The following LRRIQ4 variants were observed in gnomAD, a reference collection of about 807,000 sequenced individuals.
LRRIQ4 encodes leucine rich repeats and IQ motif containing 4.
In LRRIQ4, 21 loss-of-function variants were observed where a neutral mutation model predicts 40.1. The ratio of observed to expected loss-of-function variants is 0.52; its 90% CI spans 0.37 to 0.75. The LOEUF (loss-of-function observed/expected upper bound fraction) is 0.75. Ranked by LOEUF, LRRIQ4 falls within the 30% of genes least tolerant of loss-of-function variation. The pLI is 0.00. For synonymous variants in LRRIQ4, 277 were observed against 277.1 expected (o/e 1.00, Z 0.00); for missense variants, 655 against 660.0 (o/e 0.99, Z 0.08).
At chr3:169,820,976 T>G (rs1779874172) in intron 1 of LRRIQ4, among the ~76,000 whole-genome samples, 1 of 152,252 alleles carries the variant, frequency 6.6e-6, no homozygotes, top group Non-Finnish European at 1.5e-5. Flanking sequence ...CACACATGAC[T>G]GTTAAAAGTT....
In LRRIQ4 at chr3:169,822,366, C is replaced by T; in HGVS notation, c.445C>T (p.Leu149=). ...CCTCCACCATCTCGAGCTGCTCGGA[C>T]TGACCGGAAACCACCTGAAATGTCT... ...KNLHHLELLG[L]TGNHLKCLPK... The change falls in exon 2 of 6, where the codon CTG becomes TTG. Residue 149 remains leucine, a synonymous_variant. Coordinates refer to ENST00000340806, the MANE Select transcript of LRRIQ4 (RefSeq NM_001080460.3). 1 of 1,613,078 alleles carries T rather than the reference C, an allele frequency of 6.2e-7. No homozygotes were observed. The highest frequency in any genetic ancestry group is 2.2e-5 in the East Asian group (1 of 44,892).
chr3:169,814,638 A>C (rs1485110955), intron 1 of LRRIQ4, among the ~76,000 whole-genome samples: 1 of 151,862 alleles, frequency 6.6e-6, no homozygotes, highest in African/African-American at 2.4e-5. Context: ...GGCGCCCCCC[A>C]CTACGCCCAG....
chr3:169,831,486 T>G (rs867366747), intron 4 of LRRIQ4, among the ~76,000 whole-genome samples: 1 of 111,952 alleles, frequency 8.9e-6, no homozygotes, highest in Non-Finnish European at 1.8e-5. Flanking sequence ...TTTTTTTTAG[T>G]AGAGACGGGG....
In LRRIQ4 at chr3:169,830,606, C is replaced by T. The variant is rs1167329452; in HGVS notation, c.1309C>T (p.Pro437Ser). Residue 437 changes from proline to serine, a missense_variant, in exon 4 of 6, where the codon CCA (proline) becomes TCA (serine). By Grantham distance (74) the Pro-to-Ser change is moderately conservative. Coordinates refer to ENST00000340806, the MANE Select transcript of LRRIQ4 (RefSeq NM_001080460.3). ...CCGGCACAATTTGCTTAAGCAACTT[C>T]CAGATGCCATTTGCCAAGCACAAGG... Reference protein sequence around the residue: ...DCRHNLLKQLPDAICQAQALK... With the variant: ...DCRHNLLKQLSDAICQAQALK... The T allele has an allele frequency of 6.2e-7, 1 of 1,613,770 alleles. No individual in the cohort carries two copies. The highest frequency in any genetic ancestry group is 1.3e-5 in the African/African-American group (1 of 74,904).
rs997301990 is a variant in LRRIQ4 at position 169,826,237 on chromosome 3, C to G, written c.1021-2522C>G. Among the ~76,000 whole-genome samples the G allele has an allele frequency of 2.6e-5, 4 of 151,798 alleles. No homozygotes were observed. In the South Asian group the frequency reaches 8.3e-4, roughly 32 times the overall value. On this transcript the variant is annotated intron_variant, in intron 2 of 5. Coordinates refer to ENST00000340806, the MANE Select transcript of LRRIQ4 (RefSeq NM_001080460.3). ...CGAAACCCCATCTCTACTAAAAATA[C>G]AAAAATTAGCCGGGCATGGTAGTGG...
At chr3:169,825,833 T>C (rs901668313) in intron 2 of LRRIQ4, among the ~76,000 whole-genome samples, 1 of 152,110 alleles carries the variant, frequency 6.6e-6, no homozygotes, top group Non-Finnish European at 1.5e-5. Flanking sequence ...TCAGTTATTC[T>C]GATGGGTTTT....
Position 169,822,147 on chromosome 3 carries a change from C to T in LRRIQ4, c.226C>T (p.Leu76Phe), listed in dbSNP as rs201456133. The stretch of plus-strand genomic sequence containing the variant: ...TCAGCGTTTAAAGAACATCAGGGTC[C>T]TCTACCTGGATAAGAACAACCTGAG... Reference protein sequence around the residue: ...EIQRLKNIRVLYLDKNNLRSL... With the variant: ...EIQRLKNIRVFYLDKNNLRSL... Residue 76 changes from leucine to phenylalanine, a missense_variant, in exon 2 of 6, where the codon CTC becomes TTC. Transcript: ENST00000340806. 2.9e-5 allele frequency: 46 copies of T among 1,612,910 alleles called. No homozygotes were observed. The African/African-American group carries it at 5.1e-4, about 18-fold the overall frequency.
rs117824694 is a variant in LRRIQ4, at chr3:169,814,128, A to C, written c.-32+1082A>C. 3.3e-5 allele frequency among the ~76,000 whole-genome samples: 5 copies of C among 152,272 alleles called. No individual in the cohort carries two copies. The East Asian group carries it at 9.6e-4, about 29-fold the overall frequency. On this transcript the variant is annotated intron_variant, in intron 1 of 5. Coordinates refer to ENST00000340806, the MANE Select transcript of LRRIQ4 (RefSeq NM_001080460.3). ...TGGGGTTCTGGCCTTGGTGTACCGGAAAAATCGGATCACACAGTGGGCTTG... is the reference window on the plus strand; with the variant it reads ...TGGGGTTCTGGCCTTGGTGTACCGGCAAAATCGGATCACACAGTGGGCTTG...
chr3:169,823,581 T>C (rs187911743), intron 2 of LRRIQ4, among the ~76,000 whole-genome samples: 2,384 of 152,180 alleles, frequency 0.016, 66 homozygotes, highest in African/African-American at 0.055. Flanking sequence ...CTCCTGACCT[T>C]GTGTTCCGCC....
At chr3:169,814,364 G>C (rs1203929250) in intron 1 of LRRIQ4, among the ~76,000 whole-genome samples, 1 of 152,150 alleles carries the variant, frequency 6.6e-6, no homozygotes, top group East Asian at 1.9e-4. Flanking sequence ...GGTGCCTGTC[G>C]GTGTGCTCTT....
chr3:169,836,845 C>T lies in LRRIQ4; in HGVS notation c.1531-634C>T, dbSNP rs541406084. Among the ~76,000 whole-genome samples, 14 of 152,218 alleles carry T rather than the reference C, an allele frequency of 9.2e-5. No individual in the cohort carries two copies. In the East Asian group the frequency reaches 1.7e-3, roughly 19 times the overall value. ...AGGGAGGAGGCCCGCATGGCTGGAG[C>T]AGAGTGAGCCAGGGAAAAGGGAGTT... On this transcript the variant is annotated intron_variant, in intron 5 of 5. Transcript: ENST00000340806.
chr3:169,833,801 C>T (rs1780240652), intron 5 of LRRIQ4, among the ~76,000 whole-genome samples: 1 of 152,186 alleles, frequency 6.6e-6, no homozygotes, highest in Non-Finnish European at 1.5e-5. Flanking sequence ...TTCTGCTCAG[C>T]AGTTGCACTG....
intron 4 of LRRIQ4, among the ~76,000 whole-genome samples, chr3:169,831,771 C>T (rs953037981): frequency 2.0e-5 from 3 of 150,952 alleles, no homozygotes; most frequent in African/African-American, 7.3e-5. Flanking sequence ...GAGTTCAAAC[C>T]AGCCTGGCCA....
At position 169,833,151 on chromosome 3, in the gene LRRIQ4, G is replaced by T; in HGVS notation, c.1498G>T (p.Glu500Ter). 1 of 1,613,352 alleles carries T rather than the reference G, an allele frequency of 6.2e-7. No homozygotes were observed. The highest frequency in any genetic ancestry group is 8.5e-7 in the Non-Finnish European group (1 of 1,179,730). ...TGAGGCCATATGGAAATACCTCAAG[G>T]AAAACAGAAACAGGAATATAATGGC... is the stretch of plus-strand genomic sequence containing the variant. ...GNEAIWKYLKENRNRNIMATK... is the reference protein window; with the variant it reads ...GNEAIWKYLK Residue 500 changes from glutamate to a stop codon, truncating the protein, a stop_gained, in exon 5 of 6, where the codon GAA becomes TAA. Transcript: ENST00000340806. LOFTEE classifies it low-confidence loss of function (END_TRUNC).
chr3:169,835,733 G>A (rs1267098712), intron 5 of LRRIQ4, among the ~76,000 whole-genome samples: 1 of 152,110 alleles, frequency 6.6e-6, no homozygotes, highest in Non-Finnish European at 1.5e-5. Context: ...CGATTGGTCT[G>A]CTGTTTTCAC....
chr3:169,812,905 G>T lies in LRRIQ4; in HGVS notation c.-173G>T, dbSNP rs868538106. 19 of 225,964 alleles carry T rather than the reference G, an allele frequency of 8.4e-5. No individual in the cohort carries two copies. The highest frequency in any genetic ancestry group is 1.4e-4 in the Non-Finnish European group (16 of 116,264). The allele number at this position is 225,964 out of a possible 1,614,324, so 14.0% of individuals were successfully genotyped here. ...AGTAGCATCAGCACATGATAAAGGC[G>T]TTGGGCTTTGGGAGCATAAAGGGTT... On this transcript the variant is annotated 5_prime_UTR_variant, in exon 1 of 6. Transcript: ENST00000340806. The surrounding 1 kb of genome is among the most constrained non-coding windows in gnomAD (Gnocchi z 4.3).
chr3:169,835,364 CTGTGTGTGTGTGTGTG>C (rs149888477), intron 5 of LRRIQ4, among the ~76,000 whole-genome samples: 1 of 146,398 alleles, frequency 6.8e-6, no homozygotes, highest in Non-Finnish European at 1.5e-5. Context: ...TTGTCTTTTT[CTGTGTGTGTGTGTGTG>C]TGTGTGTGTG....
chr3:169,832,294 C>T (rs2108184741), intron 4 of LRRIQ4, among the ~76,000 whole-genome samples: 1 of 151,886 alleles, frequency 6.6e-6, no homozygotes, highest in Admixed American at 6.6e-5. Flanking sequence ...ACAGTGAAAC[C>T]CCATCTCTAC....
chr3:169,820,810 C>T (rs1311584962), intron 1 of LRRIQ4, among the ~76,000 whole-genome samples: 2 of 152,188 alleles, frequency 1.3e-5, no homozygotes, highest in African/African-American at 4.8e-5. Context: ...GTACTTAAGA[C>T]CATGAAACTT....
Sources: allele counts gnomAD v4.1 joint callset (sites outside exome capture counted in the v4.1 genomes callset), GRCh38; gene constraint gnomAD v4.1.1; non-coding constraint Gnocchi (gnomAD v3.1); transcripts MANE v1.5; gene names NCBI Gene and HGNC (gene_info 2026-07-23, HGNC 2026-07-21).